NEBL: variants seen among roughly 807,000 people sequenced by gnomAD.
NEBL encodes nebulette.
NEBL carries 122 observed loss-of-function variants against 140.2 expected under a neutral mutation model. That is an observed-to-expected ratio of 0.87 (90% CI 0.75 to 1.01). NEBL has a LOEUF of 1.01. Among genes scored for constraint, NEBL ranks in the 50% least tolerant of loss-of-function variants. The probability of loss-of-function intolerance (pLI) is 0.00; values close to 1 mark genes in which losing one functional copy is unlikely to be tolerated. For synonymous variants in NEBL, 436 were observed against 398.9 expected (o/e 1.09, Z -1.11); for missense variants, 1,365 against 1,231.3 (o/e 1.11, Z -1.62).
chr10:20,941,537 C>T (rs1177768628), intron 4 of NEBL, among the ~76,000 whole-genome samples: 4 of 151,674 alleles, frequency 2.6e-5, no homozygotes, highest in Admixed American at 2.0e-4. Flanking sequence ...ACAGGGATGC[C>T]CTCTCTCATC....
In NEBL at chr10:21,227,632, G is replaced by T. The variant is rs188328541; in HGVS notation, n.348+20289C>A. ...CTTTGCCAGGAAATATTGCACTAAG[G>T]GAATTCAAAAGCACTTGAAGTTTCT... On this transcript the variant is annotated intron_variant and non_coding_transcript_variant, in intron 3 of 8. Transcript: ENST00000675702. 2.4e-3 allele frequency among the ~76,000 whole-genome samples: 367 copies of T among 149,942 alleles called. 1 individual carries two copies. The highest frequency in any genetic ancestry group is 1.8e-3 in the Non-Finnish European group (119 of 67,700).
chr10:21,065,009 T>C (rs996900597), intron 2 of NEBL, among the ~76,000 whole-genome samples: 4 of 152,164 alleles, frequency 2.6e-5, no homozygotes, highest in African/African-American at 7.2e-5. Context: ...TTGGAATACA[T>C]ATTTAATATA....
intron 1 of NEBL, 30 bp downstream of exon 1, chr10:20,897,095 G>A (rs200757731): frequency 2.3e-5 from 36 of 1,586,972 alleles, no homozygotes; most frequent in Middle Eastern, 1.7e-4. Flanking sequence ...AGGAACAAAC[G>A]CTGGTCTGAG....
At chr10:21,200,162 C>T (rs1010696309) in intron 3 of NEBL, among the ~76,000 whole-genome samples, 2 of 152,050 alleles carry the variant, frequency 1.3e-5, no homozygotes, top group Non-Finnish European at 1.5e-5. Flanking sequence ...AGGTGCTGCA[C>T]CAAAGAGCAT....
intron 2 of NEBL, among the ~76,000 whole-genome samples, chr10:21,160,644 T>C (rs1183615369): frequency 7.6e-6 from 1 of 131,078 alleles, no homozygotes; most frequent in African/African-American, 2.8e-5. Flanking sequence ...GATAGTGGGG[T>C]TGGGGAGGGT....
intron 2 of NEBL, among the ~76,000 whole-genome samples, chr10:21,058,701 A>G (rs1320587681): frequency 6.6e-6 from 1 of 152,238 alleles, no homozygotes; most frequent in Non-Finnish European, 1.5e-5. Flanking sequence ...TCAGAGTTGC[A>G]TGTAAAGGTT....
chr10:21,152,101 T>G (rs1840163210), intron 2 of NEBL, among the ~76,000 whole-genome samples: 1 of 152,150 alleles, frequency 6.6e-6, no homozygotes, highest in Non-Finnish European at 1.5e-5. Context: ...TGAGTGCATT[T>G]CCGCTATCCG....
chr10:21,254,218 G>A (rs1842626302), intron 1 of NEBL, among the ~76,000 whole-genome samples: 1 of 152,010 alleles, frequency 6.6e-6, no homozygotes. Flanking sequence ...GCTCACTGCA[G>A]CCTTGAACCA....
chr10:21,164,004 A>G (rs1265965867), intron 2 of NEBL, among the ~76,000 whole-genome samples: 1 of 152,226 alleles, frequency 6.6e-6, no homozygotes, highest in Non-Finnish European at 1.5e-5. Context: ...TCCTGTTTTC[A>G]TGGTTAGGTC....
At chr10:21,289,537 G>A (rs558088709) in intron 1 of NEBL, among the ~76,000 whole-genome samples, 16 of 152,278 alleles carry the variant, frequency 1.1e-4, no homozygotes, top group African/African-American at 3.6e-4. Context: ...TGCTGTGGAC[G>A]TTGTCCCTTA....
chr10:20,956,402 AT>A (rs1835807740), intron 4 of NEBL, among the ~76,000 whole-genome samples: 1 of 152,138 alleles, frequency 6.6e-6, no homozygotes, highest in Non-Finnish European at 1.5e-5. Flanking sequence ...TTTAAAGATA[AT>A]GCTACTGACC....
chr10:20,943,595 A>T (rs951734913), intron 4 of NEBL, among the ~76,000 whole-genome samples: 1 of 152,194 alleles, frequency 6.6e-6, no homozygotes, highest in Non-Finnish European at 1.5e-5. Context: ...ATAATAATAA[A>T]AAAAAAAGTT....
At chr10:21,249,619 T>C (rs1281332267) in intron 2 of NEBL, among the ~76,000 whole-genome samples, 1 of 150,328 alleles carries the variant, frequency 6.7e-6, no homozygotes, top group South Asian at 2.1e-4. Context: ...TTTATTTTTA[T>C]CTATTTTATT....
intron 2 of NEBL, among the ~76,000 whole-genome samples, chr10:21,059,306 A>T (rs947764653): frequency 1.3e-5 from 2 of 152,234 alleles, no homozygotes; most frequent in Non-Finnish European, 2.9e-5. Context: ...CAGGCACTCT[A>T]TCTGTTGGAT....
At chr10:20,902,409 A>C (rs1340089249) in intron 4 of NEBL, among the ~76,000 whole-genome samples, 1 of 32,564 alleles carries the variant, frequency 3.1e-5, no homozygotes, top group Non-Finnish European at 1.1e-4. Context: ...ACTGTCTCAA[A>C]AAAAAAAAAA....
At chr10:21,046,258 G>A (rs1374721734) in intron 2 of NEBL, among the ~76,000 whole-genome samples, 1 of 152,290 alleles carries the variant, frequency 6.6e-6, no homozygotes, top group African/African-American at 2.4e-5. Context: ...GTTGGTTGAT[G>A]GGTACAAAAC....
intron 2 of NEBL, among the ~76,000 whole-genome samples, chr10:20,891,211 A>G (rs183325963): frequency 4.6e-5 from 7 of 152,380 alleles, no homozygotes; most frequent in Admixed American, 2.0e-4. Context: ...ACTCTTGGAT[A>G]TCAGATGCCT....
At chr10:21,099,481 A>T (rs556622195) in intron 2 of NEBL, among the ~76,000 whole-genome samples, 2 of 152,192 alleles carry the variant, frequency 1.3e-5, no homozygotes, top group East Asian at 3.9e-4. Context: ...TTAAAATATC[A>T]TCTGAAAACA....
intron 3 of NEBL, among the ~76,000 whole-genome samples, chr10:21,186,539 A>G (rs2132211816): frequency 6.6e-6 from 1 of 152,284 alleles, no homozygotes; most frequent in Middle Eastern, 3.4e-3. Context: ...ATCCTCCTGT[A>G]TTCTTTAAAT....
Sources: allele counts gnomAD v4.1 joint callset (sites outside exome capture counted in the v4.1 genomes callset), GRCh38; gene constraint gnomAD v4.1.1; transcripts MANE v1.5; gene names NCBI Gene and HGNC (gene_info 2026-07-23, HGNC 2026-07-21).